The following KCNIP1 variants were observed in gnomAD, a reference collection of about 807,000 sequenced individuals.
KCNIP1 encodes the protein A-type potassium channel modulatory protein KCNIP1.
In KCNIP1, 18 loss-of-function variants were observed where a neutral mutation model predicts 33.0. The observed-to-expected ratio is 0.55, with a 90% confidence interval of 0.38 to 0.81. KCNIP1 has a LOEUF of 0.81. KCNIP1 is among the 30% of genes least tolerant of loss of function. The pLI, the probability that KCNIP1 is intolerant of heterozygous loss-of-function variation, is 0.00. For missense variants in KCNIP1, 238 were observed against 271.6 expected, an observed-to-expected ratio of 0.88 and a Z score of 0.87; for synonymous variants, 93 against 98.3, an observed-to-expected ratio of 0.95 and a Z score of 0.32.
chr5:170,610,796 T>C (rs1759117783), intron 1 of KCNIP1, among the ~76,000 whole-genome samples: 1 of 152,172 alleles, frequency 6.6e-6, no homozygotes, highest in African/African-American at 2.4e-5. Context: ...ACTGCTAGAG[T>C]GTGTTTCCTG....
At chr5:170,483,174 C>T in intron 1 of KCNIP1, 1 of 417,086 alleles carries the variant, frequency 2.4e-6, no homozygotes, top group South Asian at 1.8e-5. Flanking sequence ...CCCTGCCTCT[C>T]ATCCAGGCCT....
chr5:170,476,111 CA>C (rs1756852460), intron 1 of KCNIP1, among the ~76,000 whole-genome samples: 1 of 152,122 alleles, frequency 6.6e-6, no homozygotes, highest in Non-Finnish European at 1.5e-5. Context: ...GCTGTGACTA[CA>C]GGCCTGTGCC....
chr5:170,367,349 A>AAAAGAAAGAAAGAAAGGAAGAAAG (rs1763692790), intron 1 of KCNIP1, among the ~76,000 whole-genome samples: 6 of 76,890 alleles, frequency 7.8e-5, no homozygotes, highest in Admixed American at 6.3e-4. Flanking sequence ...GAAGGAAAGA[A>AAAAGAAAGAAAGAAAGGAAGAAAG]AAAGAAAGAA....
intron 1 of KCNIP1, among the ~76,000 whole-genome samples, chr5:170,547,138 A>G (rs185633590): frequency 1.3e-5 from 2 of 152,248 alleles, no homozygotes; most frequent in East Asian, 3.9e-4. Context: ...ATTGCTATTT[A>G]TTTGTAGATG....
chr5:170,578,922 C>T (rs1757696468), intron 1 of KCNIP1, among the ~76,000 whole-genome samples: 1 of 152,082 alleles, frequency 6.6e-6, no homozygotes, highest in Non-Finnish European at 1.5e-5. Flanking sequence ...AGGGAGGGCC[C>T]TGAGGTGGGA....
chr5:170,601,369 AG>A (rs5873232), intron 1 of KCNIP1, among the ~76,000 whole-genome samples: 48,119 of 152,134 alleles, frequency 0.32, 8,694 homozygotes, highest in Non-Finnish European at 0.42. Context: ...CAGGAGAAGG[AG>A]GCAGAAGCTG....
chr5:170,408,002 C>T (rs781060253), intron 1 of KCNIP1, among the ~76,000 whole-genome samples: 2 of 152,186 alleles, frequency 1.3e-5, no homozygotes, highest in African/African-American at 2.4e-5. Context: ...CTCTCTCAGC[C>T]TCAACTTTCC....
rs562517199 is a variant in KCNIP1, at chr5:170,535,511, T to TG, written c.61+30881dup. On this transcript the variant is annotated intron_variant, in intron 1 of 7. Transcript: ENST00000328939. ...CAGTGAGCTCCCACTTCTGCTGATGTGGGACTAGACAAAAGATGAGAGGGG... is the reference window on the plus strand; with the variant it reads ...CAGTGAGCTCCCACTTCTGCTGATGTGGGGACTAGACAAAAGATGAGAGGGG... Among the ~76,000 whole-genome samples, 452 of 152,208 alleles carry TG rather than the reference T, an allele frequency of 3.0e-3. 4 individuals are homozygous for TG. The highest frequency in any genetic ancestry group is 9.9e-3 in the African/African-American group (409 of 41,522).
chr5:170,371,870 C>T (rs1043552809), intron 1 of KCNIP1, among the ~76,000 whole-genome samples: 2 of 152,068 alleles, frequency 1.3e-5, no homozygotes, highest in Non-Finnish European at 2.9e-5. Context: ...AAGAGTGTGA[C>T]TGTGTTCTCC....
At chr5:170,595,573 A>G (rs544589131) in intron 1 of KCNIP1, among the ~76,000 whole-genome samples, 1 of 152,332 alleles carries the variant, frequency 6.6e-6, no homozygotes, top group Admixed American at 6.5e-5. Flanking sequence ...ATGGTCTAGG[A>G]TGGCCTTGAG....
intron 1 of KCNIP1, among the ~76,000 whole-genome samples, chr5:170,606,120 T>C (rs1758908795): frequency 1.3e-5 from 2 of 152,202 alleles, no homozygotes; most frequent in Admixed American, 6.5e-5. Flanking sequence ...TGTGTGGATA[T>C]ACCACACGGT....
At chr5:170,679,909 C>T (rs1369568623) in intron 1 of KCNIP1, among the ~76,000 whole-genome samples, 1 of 151,970 alleles carries the variant, frequency 6.6e-6, no homozygotes, top group Non-Finnish European at 1.5e-5. Context: ...ACGAATGATG[C>T]AATGAATATC....
At chr5:170,442,749 G>A (rs955962496) in intron 1 of KCNIP1, among the ~76,000 whole-genome samples, 1 of 152,242 alleles carries the variant, frequency 6.6e-6, no homozygotes, top group African/African-American at 2.4e-5. Context: ...TATGCAGAAT[G>A]ATATTGTCAG....
intron 1 of KCNIP1, among the ~76,000 whole-genome samples, chr5:170,653,067 C>A (rs1761115133): frequency 6.6e-6 from 1 of 152,212 alleles, no homozygotes; most frequent in African/African-American, 2.4e-5. Context: ...GAGCGAGGGT[C>A]TAGGCCTGCA....
chr5:170,588,594 C>G (rs1264086995), intron 1 of KCNIP1, among the ~76,000 whole-genome samples: 1 of 152,116 alleles, frequency 6.6e-6, no homozygotes, highest in Non-Finnish European at 1.5e-5. Context: ...AAGAGAGAGC[C>G]CACCCCTCGC....
chr5:170,462,259 ATTAGC>A, intron 1 of KCNIP1, among the ~76,000 whole-genome samples: 1 of 114,084 alleles, frequency 8.8e-6, no homozygotes, highest in Non-Finnish European at 1.8e-5. Flanking sequence ...ACTCAAACAA[ATTAGC>A]AAAAAAAAAA....
At chr5:170,472,022 G>A (rs1394603071) in intron 1 of KCNIP1, among the ~76,000 whole-genome samples, 1 of 152,144 alleles carries the variant, frequency 6.6e-6, no homozygotes, top group Non-Finnish European at 1.5e-5. Context: ...CTGGGTTTGG[G>A]GAAGCAGTTC....
intron 1 of KCNIP1, among the ~76,000 whole-genome samples, chr5:170,618,996 G>A (rs1216061384): frequency 6.6e-6 from 1 of 152,120 alleles, no homozygotes; most frequent in African/African-American, 2.4e-5. Flanking sequence ...GAAGGTCCCT[G>A]CAGGGAAACT....
intron 1 of KCNIP1, among the ~76,000 whole-genome samples, chr5:170,421,245 T>G (rs1389262246): frequency 6.6e-6 from 1 of 152,188 alleles, no homozygotes; most frequent in Non-Finnish European, 1.5e-5. Flanking sequence ...CAAAAGGATT[T>G]AGCAGAAAAT....
Sources: allele counts gnomAD v4.1 joint callset (sites outside exome capture counted in the v4.1 genomes callset), GRCh38; gene constraint gnomAD v4.1.1; transcripts MANE v1.5; gene names NCBI Gene and HGNC (gene_info 2026-07-23, HGNC 2026-07-21).